GSN: variants seen among roughly 807,000 people sequenced by gnomAD.
GSN encodes gelsolin, also known as actin-depolymerizing factor.
A neutral mutation model predicts 85.7 loss-of-function variants in GSN; 56 were observed. The observed-to-expected ratio is 0.65, with a 90% CI of 0.53 to 0.82. The LOEUF (loss-of-function observed/expected upper bound fraction) is 0.82. Among genes scored for constraint, GSN ranks in the 40% least tolerant of loss-of-function variants. The pLI, the probability that GSN is intolerant of heterozygous loss-of-function variation, is 0.00. For synonymous variants in GSN, 373 were observed against 399.1 expected (o/e 0.93, Z 0.78); for missense variants, 857 against 979.8 (o/e 0.87, Z 1.67).
rs368858384 is a variant in GSN, at chr9:121,303,411, G to A, written c.351+346G>A. 1.6e-4 allele frequency among the ~76,000 whole-genome samples: 24 copies of A among 152,330 alleles called. 1 individual carries two copies. The East Asian group carries it at 3.5e-3, about 22-fold the overall frequency. ...CCCTGGGGGGCTTTGGCCTAGTCCTGTTCTGGTACCCCTTAATTCTTAAGG... is the reference window on the plus strand; with the variant it reads ...CCCTGGGGGGCTTTGGCCTAGTCCTATTCTGGTACCCCTTAATTCTTAAGG... On this transcript the variant is annotated intron_variant, in intron 4 of 17. Transcript: ENST00000432226.
intron 2 of GSN, chr9:121,284,375 A>C (rs922945837): frequency 6.0e-6 from 1 of 166,780 alleles, no homozygotes; most frequent in South Asian, 2.1e-4. Flanking sequence ...AGCTCTTTGC[A>C]TTTTTTAGTT....
At chr9:121,232,743 A>G (rs1243993286) in intron 5 of GSN, among the ~76,000 whole-genome samples, 1 of 152,222 alleles carries the variant, frequency 6.6e-6, no homozygotes, top group Non-Finnish European at 1.5e-5. Flanking sequence ...GAACTCTGCC[A>G]AAGGAAAGGC....
chr9:121,312,591 T>G (rs2061292201), intron 6 of GSN, 103 bp downstream of exon 6: 1 of 838,438 alleles, frequency 1.2e-6, no homozygotes, highest in African/African-American at 1.7e-5. Context: ...AAAAAAAAAC[T>G]TCCGCTCTAC....
chr9:121,285,236 T>C (rs1219316533), intron 2 of GSN: 4 of 167,140 alleles, frequency 2.4e-5, no homozygotes, highest in Non-Finnish European at 5.9e-5. Flanking sequence ...TGTGTTAGCT[T>C]TGTGTCCTTG....
chr9:121,219,164 G>A (rs1456353447), intron 4 of GSN, among the ~76,000 whole-genome samples: 1 of 152,088 alleles, frequency 6.6e-6, no homozygotes, highest in Admixed American at 6.5e-5. Context: ...CCAGGGCTCT[G>A]TGTCTGCTGC....
At chr9:121,302,711 G>A (rs1457621530) in intron 3 of GSN, among the ~76,000 whole-genome samples, 200 bp from the exon 4 acceptor site, 2 of 152,188 alleles carry the variant, frequency 1.3e-5, no homozygotes, top group Non-Finnish European at 2.9e-5. Flanking sequence ...ATGTGACAGA[G>A]CTGGGAGGAC....
intron 6 of GSN, among the ~76,000 whole-genome samples, chr9:121,262,893 T>A (rs1564364774): frequency 6.6e-6 from 1 of 152,374 alleles, no homozygotes; most frequent in East Asian, 1.9e-4. Context: ...ACCAAACCCA[T>A]CTGTGGTCAC....
chr9:121,305,845 G>A (rs1171913772), intron 4 of GSN, among the ~76,000 whole-genome samples: 9 of 152,296 alleles, frequency 5.9e-5, no homozygotes, highest in East Asian at 3.9e-4. Context: ...CAAGGTTCTC[G>A]CCCCGGCGCC....
Position 121,237,870 on chromosome 9 carries a change from T to C in GSN, c.-389+6567T>C, listed in dbSNP as rs141713987. Among the ~76,000 whole-genome samples, 6 of 152,358 alleles carry C rather than the reference T, an allele frequency of 3.9e-5. No homozygotes were observed. The East Asian group carries it at 1.2e-3, about 29-fold the overall frequency. On this transcript the variant is annotated intron_variant, in intron 5 of 24. Transcript: ENST00000373823. ...CAAACATCAATAAGAAAACGTCACCTGCATCCCTGCAGCTACTTTTAGCAA... is the reference window on the plus strand; with the variant it reads ...CAAACATCAATAAGAAAACGTCACCCGCATCCCTGCAGCTACTTTTAGCAA...
At position 121,224,120 on chromosome 9, in the gene GSN, G is replaced by T. The variant is rs368785208; in HGVS notation, c.-527-7045G>T. ...ATTTATTTATTTATTTTTTAGAGAC[G>T]GAGTCTTGCTTTGTCGCCCAGGCTG... On this transcript the variant is annotated intron_variant, in intron 4 of 24. Coordinates refer to the GSN transcript ENST00000373823. Among the ~76,000 whole-genome samples the T allele has an allele frequency of 2.0e-5, 3 of 151,506 alleles. No homozygotes were observed. In the South Asian group the frequency reaches 6.3e-4, roughly 32 times the overall value.
chr9:121,263,952 G>T (rs1028381151), upstream of GSN, among the ~76,000 whole-genome samples: 1 of 151,236 alleles, frequency 6.6e-6, no homozygotes, highest in Admixed American at 6.6e-5. Flanking sequence ...CGGCATGGGG[G>T]AAACTGCCCC....
chr9:121,307,943 A>G (rs942012455), intron 4 of GSN, among the ~76,000 whole-genome samples: 1 of 152,190 alleles, frequency 6.6e-6, no homozygotes, highest in Non-Finnish European at 1.5e-5. Context: ...CCTCACGGCC[A>G]TCCAGCCTTC....
intron 6 of GSN, among the ~76,000 whole-genome samples, chr9:121,251,585 T>C (rs2054837348): frequency 6.6e-6 from 1 of 152,090 alleles, no homozygotes; most frequent in Non-Finnish European, 1.5e-5. Flanking sequence ...TTATATCACC[T>C]CTAAACATTG....
intron 4 of GSN, among the ~76,000 whole-genome samples, chr9:121,308,208 C>A (rs534431855): frequency 6.6e-6 from 1 of 152,376 alleles, no homozygotes; most frequent in East Asian, 1.9e-4. Flanking sequence ...TCTGTGAGCA[C>A]TGGCCGCCCT....
intron 1 of GSN, among the ~76,000 whole-genome samples, chr9:121,270,938 G>C (rs937646893): frequency 6.6e-6 from 1 of 152,226 alleles, no homozygotes; most frequent in Admixed American, 6.5e-5. Context: ...ACAGGTGTGA[G>C]AGAAGTTAGA....
chr9:121,317,996 G>A (rs1019848534), intron 8 of GSN: 11 of 272,782 alleles, frequency 4.0e-5, no homozygotes, highest in Middle Eastern at 1.4e-3. Context: ...CCTTGGCACG[G>A]GAATGCCCTC....
intron 1 of GSN, among the ~76,000 whole-genome samples, chr9:121,275,369 A>G (rs921065693): frequency 6.6e-6 from 1 of 152,186 alleles, no homozygotes; most frequent in Non-Finnish European, 1.5e-5. Flanking sequence ...ACCTAACACA[A>G]TGCTTGGCCA....
chr9:121,266,042 A>G (rs942272938), upstream of GSN, among the ~76,000 whole-genome samples: 1 of 152,146 alleles, frequency 6.6e-6, no homozygotes, highest in African/African-American at 2.4e-5. Context: ...CTTCATTATC[A>G]TTTCTAATGA....
rs752203019 is a variant in GSN, at chr9:121,261,605, C to G, written c.-340-3549C>G. 6.6e-6 allele frequency among the ~76,000 whole-genome samples: 1 copy of G among 152,218 alleles called. No individual in the cohort carries two copies. The highest frequency in any genetic ancestry group is 1.5e-5 in the Non-Finnish European group (1 of 68,030). ...GCTTTGGAGGAGATAATGCCCAGAGCAGGCATCCATGAATATGGTTTCCTC... is the reference window on the plus strand; with the variant it reads ...GCTTTGGAGGAGATAATGCCCAGAGGAGGCATCCATGAATATGGTTTCCTC... On this transcript the variant is annotated intron_variant, in intron 6 of 24. Transcript: ENST00000373823. This position sits in a 1 kb window ranked among gnomAD's most constrained non-coding sequence, Gnocchi z 4.1.
Sources: gnomAD v4.1 joint callset for allele counts (sites outside exome capture counted in the v4.1 genomes callset) on GRCh38, gnomAD v4.1.1 for gene constraint, Gnocchi (gnomAD v3.1) non-coding constraint, MANE v1.5 for transcripts, NCBI Gene and HGNC (gene_info 2026-07-23, HGNC 2026-07-21) for gene names.